HHIP: variants seen among roughly 807,000 people sequenced by gnomAD.
The protein encoded by HHIP is hedgehog interacting protein.
HHIP carries 12 observed loss-of-function variants against 74.0 expected under a neutral mutation model. The ratio of observed to expected loss-of-function variants is 0.16; its 90% CI spans 0.10 to 0.26. The LOEUF (loss-of-function observed/expected upper bound fraction) is 0.26, where lower values mean the gene tolerates loss of function less well. Among genes scored for constraint, HHIP ranks in the 10% least tolerant of loss-of-function variants. The pLI is 1.00. For synonymous variants in HHIP, 309 were observed against 311.6 expected (o/e 0.99, Z 0.09); for missense variants, 788 against 845.0 (o/e 0.93, Z 0.84).
chr4:144,743,706 A>T lies in HHIP; in HGVS notation c.*5749A>T, dbSNP rs895382415. The T allele has an allele frequency of 2.1e-4, 32 of 152,124 alleles. No individual in the cohort carries two copies. Among genetic ancestry groups the T allele is most frequent in the African/African-American group, 7.5e-4 (31 of 41,458 alleles). 9.4% of individuals were successfully genotyped at this position (152,124 alleles called of 1,614,324 possible). On this transcript the variant is annotated 3_prime_UTR_variant, in exon 13 of 13. Transcript: ENST00000296575. ...AATTGACTATAATCTTCTAAGTCAAAAAGAAAACATTTAAGTACATAATAT... is the reference window on the plus strand; with the variant it reads ...AATTGACTATAATCTTCTAAGTCAATAAGAAAACATTTAAGTACATAATAT...
chr4:144,695,436 T>C (rs1560709606), intron 4 of HHIP, among the ~76,000 whole-genome samples: 1 of 151,768 alleles, frequency 6.6e-6, no homozygotes, highest in Non-Finnish European at 1.5e-5. Context: ...TATTAGTCAA[T>C]AGGGCTCTGA....
chr4:144,715,856 ATTTCTTT>A (rs371665219), intron 10 of HHIP, among the ~76,000 whole-genome samples: 14 of 152,286 alleles, frequency 9.2e-5, no homozygotes, highest in Admixed American at 3.3e-4. Context: ...CTTACCCGCT[ATTTCTTT>A]TTTCTTTTTT....
At position 144,726,142 on chromosome 4, in the gene HHIP, C is replaced by G. The variant is rs1028455403; in HGVS notation, c.1760+7186C>G. ...ATGAATTAAGTATTTAAATTAAAAACTTGATTTTGGACATGAAATTCTGAA... is the reference window on the plus strand; with the variant it reads ...ATGAATTAAGTATTTAAATTAAAAAGTTGATTTTGGACATGAAATTCTGAA... On this transcript the variant is annotated intron_variant, in intron 11 of 12. Transcript: ENST00000296575. Among the ~76,000 whole-genome samples, 4 of 152,072 alleles carry G rather than the reference C, an allele frequency of 2.6e-5. No individual in the cohort carries two copies. In the East Asian group the frequency reaches 7.7e-4, roughly 29 times the overall value.
chr4:144,704,798 C>T (rs1730085585), intron 4 of HHIP, among the ~76,000 whole-genome samples: 1 of 152,178 alleles, frequency 6.6e-6, no homozygotes, highest in Non-Finnish European at 1.5e-5. Context: ...GACAATCCGT[C>T]AAGGAGGTTC....
intron 11 of HHIP, among the ~76,000 whole-genome samples, chr4:144,719,536 T>C (rs191896624): frequency 1.9e-3 from 295 of 152,324 alleles, no homozygotes; most frequent in African/African-American, 6.7e-3. Context: ...AAAGAATATG[T>C]TTATCTCACC....
At chr4:144,664,642 A>G (rs1316159453) in intron 4 of HHIP, among the ~76,000 whole-genome samples, 3 of 152,264 alleles carry the variant, frequency 2.0e-5, no homozygotes, top group Non-Finnish European at 4.4e-5. Flanking sequence ...ACACATACAC[A>G]TATGGTGATT....
intron 4 of HHIP, among the ~76,000 whole-genome samples, chr4:144,692,606 C>T (rs1477598288): frequency 2.0e-5 from 3 of 152,112 alleles, no homozygotes; most frequent in Non-Finnish European, 4.4e-5. Context: ...AATTCTTTCC[C>T]GTAACACCCT....
intron 4 of HHIP, among the ~76,000 whole-genome samples, chr4:144,702,744 T>C (rs980514805): frequency 9.9e-5 from 15 of 152,162 alleles, no homozygotes; most frequent in Non-Finnish European, 1.9e-4. Context: ...AATTACTTGT[T>C]GCCCTTTTAG....
intron 4 of HHIP, among the ~76,000 whole-genome samples, chr4:144,699,352 A>T (rs1729913592): frequency 6.6e-6 from 1 of 152,144 alleles, no homozygotes; most frequent in Admixed American, 6.5e-5. Context: ...GCATAAAACA[A>T]GATATTGGAA....
At chr4:144,684,851 T>C (rs891907971) in intron 4 of HHIP, among the ~76,000 whole-genome samples, 1 of 152,126 alleles carries the variant, frequency 6.6e-6, no homozygotes, top group African/African-American at 2.4e-5. Flanking sequence ...TTGTGTAGGA[T>C]TTCCACCACT....
Position 144,712,045 on chromosome 4 carries a change from TACAG to T in HHIP, c.1399_1402del (p.Gln467Ter), listed in dbSNP as rs1299775506. ...AAAAACAGATCATCAGCCAGAATTC[TACAG>T]ATAATAAAGGGGAAAGATTATGGTA... On this transcript the variant is annotated frameshift_variant, in exon 8 of 13. Coordinates refer to ENST00000296575, the MANE Select transcript of HHIP (RefSeq NM_022475.3). LOFTEE classifies it high-confidence loss of function. 6.2e-7 allele frequency: 1 copy of T among 1,612,964 alleles called. No homozygotes were observed. Among genetic ancestry groups the T allele is most frequent in the Non-Finnish European group, 8.5e-7 (1 of 1,179,096 alleles).
At chr4:144,675,529 A>C (rs980956179) in intron 4 of HHIP, among the ~76,000 whole-genome samples, 1 of 152,110 alleles carries the variant, frequency 6.6e-6, no homozygotes, top group Non-Finnish European at 1.5e-5. Context: ...TACAGGACAT[A>C]AAATACAAAG....
rs189738206 is a variant in HHIP, at chr4:144,692,818, C to T, written c.832-13713C>T. Among the ~76,000 whole-genome samples the T allele has an allele frequency of 2.3e-4, 35 of 152,150 alleles. No homozygotes were observed. In the East Asian group the frequency reaches 6.2e-3, roughly 27 times the overall value. ...GCAACAACTCACCAGGTAGGAAATGCGTGTATTTTGAAAGTGGTAAAACCG... is the reference window on the plus strand; with the variant it reads ...GCAACAACTCACCAGGTAGGAAATGTGTGTATTTTGAAAGTGGTAAAACCG... On this transcript the variant is annotated intron_variant, in intron 4 of 12. Coordinates refer to ENST00000296575, the MANE Select transcript of HHIP (RefSeq NM_022475.3).
In HHIP at chr4:144,646,442, C is replaced by T; in HGVS notation, c.-234C>T. ...GCACAACTGCAAACGGTGTCATCCGCACAACTTTATCTCGCTCCTCGGGCT... is the reference window on the plus strand; with the variant it reads ...GCACAACTGCAAACGGTGTCATCCGTACAACTTTATCTCGCTCCTCGGGCT... On this transcript the variant is annotated 5_prime_UTR_variant, in exon 1 of 13. Transcript: ENST00000296575. 3 of 467,528 alleles carry T rather than the reference C, an allele frequency of 6.4e-6. No individual in the cohort carries two copies. The allele number at this position is 467,528 out of a possible 1,614,324, so 29.0% of individuals were successfully genotyped here. A position where few individuals can be genotyped will look rare whatever the true frequency, so the allele number is the denominator to read the frequency against.
chr4:144,700,794 C>T (rs1461964456), intron 4 of HHIP, among the ~76,000 whole-genome samples: 1 of 152,148 alleles, frequency 6.6e-6, no homozygotes, highest in Non-Finnish European at 1.5e-5. Context: ...CTCTAATCTA[C>T]AAATTAAGAT....
intron 10 of HHIP, among the ~76,000 whole-genome samples, chr4:144,717,879 T>G (rs981832788): frequency 5.3e-5 from 8 of 152,152 alleles, no homozygotes; most frequent in Middle Eastern, 3.2e-3. Context: ...GGCCTCAAAT[T>G]AGCAATTAAC....
At chr4:144,656,908 A>AT (rs35300166) in intron 2 of HHIP, among the ~76,000 whole-genome samples, 1 of 151,744 alleles carries the variant, frequency 6.6e-6, no homozygotes, top group Non-Finnish European at 1.5e-5. Context: ...TAATCCTTGA[A>AT]TTTTTTTTCA....
intron 4 of HHIP, among the ~76,000 whole-genome samples, chr4:144,691,578 T>A (rs1729670148): frequency 6.6e-6 from 1 of 152,216 alleles, no homozygotes; most frequent in South Asian, 2.1e-4. Context: ...TTTCTTTTTT[T>A]AATAATCACA....
intron 1 of HHIP, among the ~76,000 whole-genome samples, chr4:144,652,357 G>T (rs1042433676): frequency 1.3e-5 from 2 of 152,008 alleles, no homozygotes; most frequent in African/African-American, 4.8e-5. Context: ...AAGTACAGAT[G>T]AAATCTTTGA....
Sources: allele counts gnomAD v4.1 joint callset (sites outside exome capture counted in the v4.1 genomes callset), GRCh38; gene constraint gnomAD v4.1.1; transcripts MANE v1.5; gene names NCBI Gene and HGNC (gene_info 2026-07-23, HGNC 2026-07-21).